Variants in LRRC72 observed in about 807,000 individuals in gnomAD.
LRRC72 encodes leucine rich repeat containing 72.
Under a neutral mutation model 35.8 loss-of-function variants are expected in LRRC72, and 41 were observed. That is an observed-to-expected ratio of 1.15 (90% CI 0.89 to 1.49). LRRC72 has a LOEUF of 1.49. LRRC72 is among the 40% of genes most tolerant of loss of function. The probability of loss-of-function intolerance (pLI) is 0.00; values close to 1 mark genes in which losing one functional copy is unlikely to be tolerated. For synonymous variants in LRRC72, 118 were observed against 119.2 expected (o/e 0.99, Z 0.07); for missense variants, 389 against 330.7 (o/e 1.18, Z -1.37).
intron 5 of LRRC72, among the ~76,000 whole-genome samples, chr7:16,559,849 T>G (rs1228973548): frequency 6.6e-6 from 1 of 151,776 alleles, no homozygotes; most frequent in African/African-American, 2.4e-5. Flanking sequence ...GGGTGAACAG[T>G]GTGATACATA....
At chr7:16,572,404 A>G (rs1263911510) in intron 7 of LRRC72, among the ~76,000 whole-genome samples, 3 of 152,218 alleles carry the variant, frequency 2.0e-5, no homozygotes, top group African/African-American at 7.2e-5. Flanking sequence ...AAAATCCTCA[A>G]TAAAATACTG....
At chr7:16,540,248 G>C (rs1467563283) in intron 3 of LRRC72, among the ~76,000 whole-genome samples, 15 of 152,340 alleles carry the variant, frequency 9.8e-5, no homozygotes. Context: ...GGAGTTTTAA[G>C]ATTTACTGAC....
At chr7:16,569,644 A>C (rs1782908083) in intron 7 of LRRC72, among the ~76,000 whole-genome samples, 1 of 152,296 alleles carries the variant, frequency 6.6e-6, no homozygotes, top group Admixed American at 6.5e-5. Flanking sequence ...TTTATTTGGG[A>C]GTAAGCAAAA....
chr7:16,547,268 G>A (rs73078911), intron 3 of LRRC72, among the ~76,000 whole-genome samples: 28,973 of 152,092 alleles, frequency 0.19, 2,863 homozygotes, highest in Admixed American at 0.2. Flanking sequence ...GGGCCAGGCC[G>A]AGTCACCCAC....
intron 5 of LRRC72, among the ~76,000 whole-genome samples, chr7:16,563,540 T>G (rs917418808): frequency 6.6e-6 from 1 of 152,188 alleles, no homozygotes; most frequent in Non-Finnish European, 1.5e-5. Context: ...TCTTCATGGT[T>G]TCTAAAAGAA....
intron 3 of LRRC72, among the ~76,000 whole-genome samples, chr7:16,539,640 A>C (rs1032839773): frequency 6.6e-6 from 1 of 152,184 alleles, no homozygotes; most frequent in Non-Finnish European, 1.5e-5. Context: ...AGAGATCTTC[A>C]GGGCATCAAA....
chr7:16,576,530 C>T (rs1783043736), intron 7 of LRRC72, among the ~76,000 whole-genome samples: 1 of 152,078 alleles, frequency 6.6e-6, no homozygotes, highest in South Asian at 2.1e-4. Flanking sequence ...TCTATCAGTC[C>T]TTATCAAATA....
chr7:16,575,793 T>C (rs1025260899), intron 7 of LRRC72, among the ~76,000 whole-genome samples: 3 of 152,286 alleles, frequency 2.0e-5, no homozygotes, highest in African/African-American at 4.8e-5. Flanking sequence ...AGTCTTTAGA[T>C]AGAAAATCTC....
intron 3 of LRRC72, among the ~76,000 whole-genome samples, chr7:16,555,275 A>T (rs1311015388): frequency 6.6e-6 from 1 of 152,226 alleles, no homozygotes; most frequent in African/African-American, 2.4e-5. Context: ...ATAATTTGTG[A>T]ATGTTGCCAA....
intron 1 of LRRC72, among the ~76,000 whole-genome samples, chr7:16,531,368 T>C (rs1469054664): frequency 1.3e-5 from 2 of 152,154 alleles, no homozygotes; most frequent in African/African-American, 2.4e-5. Context: ...AGCTTGCTTA[T>C]TAACAAGGCA....
chr7:16,556,765 G>A (rs1050674934), intron 3 of LRRC72, among the ~76,000 whole-genome samples: 2 of 152,224 alleles, frequency 1.3e-5, no homozygotes, highest in East Asian at 3.8e-4. Context: ...TAAGATACAA[G>A]GAGTTCAACC....
intron 1 of LRRC72, among the ~76,000 whole-genome samples, chr7:16,527,372 C>G (rs1207126931): frequency 6.6e-6 from 1 of 152,054 alleles, no homozygotes; most frequent in Non-Finnish European, 1.5e-5. Flanking sequence ...CACTCAGCAT[C>G]TGCTGCGTAT....
At chr7:16,579,191 A>G (rs475275) in intron 7 of LRRC72, among the ~76,000 whole-genome samples, 62,921 of 152,070 alleles carry the variant, frequency 0.41, 14,005 homozygotes, top group African/African-American at 0.57. Flanking sequence ...TTATTTCACA[A>G]TGAATACGTA....
chr7:16,530,687 A>C (rs1782146528), intron 1 of LRRC72: 1 of 152,236 alleles, frequency 6.6e-6, no homozygotes, highest in East Asian at 1.9e-4. Context: ...TGAAATAAGC[A>C]GTGATAATCA....
intron 3 of LRRC72, among the ~76,000 whole-genome samples, chr7:16,552,935 C>T (rs1419234730): frequency 1.3e-5 from 2 of 152,158 alleles, no homozygotes; most frequent in African/African-American, 4.8e-5. Flanking sequence ...GGGTAAATTA[C>T]TTAACCTTTC....
chr7:16,538,924 C>T (rs1423053895), intron 3 of LRRC72, among the ~76,000 whole-genome samples: 1 of 152,208 alleles, frequency 6.6e-6, no homozygotes, highest in African/African-American at 2.4e-5. Context: ...AACCTGTCTT[C>T]TTTATAAATT....
intron 3 of LRRC72, among the ~76,000 whole-genome samples, chr7:16,552,744 T>A (rs952528724): frequency 1.3e-5 from 2 of 151,810 alleles, no homozygotes; most frequent in East Asian, 1.9e-4. Flanking sequence ...ACTTGAGAGG[T>A]CAAGTTAGAT....
intron 2 of LRRC72, 183 bp downstream of exon 2, chr7:16,532,751 TAA>T (rs11284325): frequency 0.04 from 18,998 of 478,214 alleles, 17 homozygotes; most frequent in East Asian, 0.078. Context: ...TGAAATTGAT[TAA>T]AAAAAAAAAA....
At chr7:16,556,030 A>C (rs1251737969) in intron 3 of LRRC72, among the ~76,000 whole-genome samples, 1 of 151,856 alleles carries the variant, frequency 6.6e-6, no homozygotes, top group Admixed American at 6.6e-5. Context: ...CACAATGCAA[A>C]TACATCTTTT....
Sources: gnomAD v4.1 joint callset for allele counts (sites outside exome capture counted in the v4.1 genomes callset) on GRCh38, gnomAD v4.1.1 for gene constraint, MANE v1.5 for transcripts, NCBI Gene and HGNC (gene_info 2026-07-23, HGNC 2026-07-21) for gene names.